Variants in HEMK2 observed in about 807,000 individuals in gnomAD.
HEMK2 encodes methyltransferase HEMK2.
chr21:28,793,698 ATTATG>A, the HEMK2 span, among the ~76,000 whole-genome samples: 3 of 152,208 alleles, frequency 2.0e-5, no homozygotes, highest in Non-Finnish European at 1.5e-5. Context: ...CCATATCATT[ATTATG>A]TTATGTTAAG....
At chr21:28,876,788 T>G in the HEMK2 span, among the ~76,000 whole-genome samples, 1 of 152,028 alleles carries the variant, frequency 6.6e-6, no homozygotes, top group African/African-American at 2.4e-5. Context: ...AAGTGATCAG[T>G]TTTTTAGTTG....
At chr21:28,879,669 A>G in the HEMK2 span, among the ~76,000 whole-genome samples, 14 of 152,226 alleles carry the variant, frequency 9.2e-5, no homozygotes, top group Non-Finnish European at 2.1e-4. Flanking sequence ...TTAGGGATAG[A>G]TATGTGTCAC....
the HEMK2 span, among the ~76,000 whole-genome samples, chr21:28,831,642 A>G: frequency 0.013 from 416 of 32,498 alleles, 6 homozygotes; most frequent in East Asian, 0.025. Context: ...AAGGAAAGAA[A>G]GAAAGAAAGA....
the HEMK2 span, among the ~76,000 whole-genome samples, chr21:28,617,241 T>A: frequency 6.6e-6 from 1 of 152,084 alleles, no homozygotes; most frequent in Non-Finnish European, 1.5e-5. Context: ...GGCCCTAAGA[T>A]GGGAAGCAGT....
chr21:28,695,203 C>T, the HEMK2 span, among the ~76,000 whole-genome samples: 618 of 152,170 alleles, frequency 4.1e-3, 15 homozygotes, highest in East Asian at 0.065. Context: ...AGCAGCTTGT[C>T]TTAGTTCATT....
At chr21:28,672,406 G>A in the HEMK2 span, among the ~76,000 whole-genome samples, 2 of 152,022 alleles carry the variant, frequency 1.3e-5, no homozygotes, top group African/African-American at 2.4e-5. Context: ...TGTTTACAAA[G>A]AGAGCTTTAA....
At chr21:28,831,517 A>AAGAAAG in the HEMK2 span, among the ~76,000 whole-genome samples, 1 of 97,638 alleles carries the variant, frequency 1.0e-5, no homozygotes, top group South Asian at 3.3e-4. Flanking sequence ...GAAAGAAAGA[A>AAGAAAG]AGAAAGAAGG....
chr21:28,729,373 C>A, the HEMK2 span, among the ~76,000 whole-genome samples: 1 of 152,216 alleles, frequency 6.6e-6, no homozygotes, highest in South Asian at 2.1e-4. Flanking sequence ...TGTGAATGGG[C>A]TTAGAGGTAA....
chr21:28,854,515 CATAGAG>C, the HEMK2 span, among the ~76,000 whole-genome samples: 5 of 146,024 alleles, frequency 3.4e-5, no homozygotes, highest in South Asian at 2.1e-4. Flanking sequence ...TATAGATATA[CATAGAG>C]ATAGAGATAG....
At chr21:28,787,294 T>C in the HEMK2 span, among the ~76,000 whole-genome samples, 1 of 152,202 alleles carries the variant, frequency 6.6e-6, no homozygotes, top group African/African-American at 2.4e-5. Context: ...CTTCTAGACA[T>C]TGGCTTAGGC....
At chr21:28,661,988 T>C in the HEMK2 span, among the ~76,000 whole-genome samples, 1 of 152,138 alleles carries the variant, frequency 6.6e-6, no homozygotes, top group African/African-American at 2.4e-5. Context: ...GTACCATAAA[T>C]AATTGTTAAC....
At chr21:28,763,310 G>A in the HEMK2 span, among the ~76,000 whole-genome samples, 1 of 152,084 alleles carries the variant, frequency 6.6e-6, no homozygotes, top group African/African-American at 2.4e-5. Context: ...TCTCACTTCT[G>A]GTGAGGCCTC....
At chr21:28,785,033 C>T in the HEMK2 span, among the ~76,000 whole-genome samples, 91 of 152,192 alleles carry the variant, frequency 6.0e-4, no homozygotes, top group African/African-American at 2.0e-3. Flanking sequence ...ACAGGAGGAA[C>T]GAACAACTCC....
the HEMK2 span, among the ~76,000 whole-genome samples, chr21:28,716,817 G>T: frequency 6.6e-6 from 1 of 152,068 alleles, no homozygotes; most frequent in Non-Finnish European, 1.5e-5. Flanking sequence ...TATTATGAAG[G>T]GATGCTGGAT....
the HEMK2 span, among the ~76,000 whole-genome samples, chr21:28,766,599 G>A: frequency 6.2e-3 from 939 of 152,046 alleles, 8 homozygotes; most frequent in Middle Eastern, 0.014. Context: ...ATATGGAACC[G>A]ACCTAAATGC....
At chr21:28,885,063 A>T in the HEMK2 span, 1 of 1,224,064 alleles carries the variant, frequency 8.2e-7, no homozygotes, top group Non-Finnish European at 1.1e-6. Flanking sequence ...GAAAATTCTC[A>T]ATTACGGCGT....
chr21:28,647,645 C>T, the HEMK2 span, among the ~76,000 whole-genome samples: 5 of 152,252 alleles, frequency 3.3e-5, no homozygotes, highest in East Asian at 3.9e-4. Context: ...GCTGGAACCA[C>T]GCATTGCCTG....
the HEMK2 span, among the ~76,000 whole-genome samples, chr21:28,753,076 G>A: frequency 1.4e-4 from 22 of 152,182 alleles, no homozygotes; most frequent in African/African-American, 3.9e-4. Flanking sequence ...TCTTAAGCAA[G>A]AATGGTTCTC....
At chr21:28,793,025 G>A in the HEMK2 span, among the ~76,000 whole-genome samples, 1 of 152,216 alleles carries the variant, frequency 6.6e-6, no homozygotes. Context: ...GAAGAAAACT[G>A]GAGAAGGTAA....
Sources: allele counts gnomAD v4.1 joint callset (sites outside exome capture counted in the v4.1 genomes callset), GRCh38; gene constraint gnomAD v4.1.1; transcripts MANE v1.5; gene names NCBI Gene and HGNC (gene_info 2026-07-23, HGNC 2026-07-21).